Variants in NDP observed in about 807,000 individuals in gnomAD.
NDP encodes norrin cystine knot growth factor NDP, also known as norrin.
In NDP, 2 loss-of-function variants were observed where a neutral mutation model predicts 8.4. That is an observed-to-expected ratio of 0.24 (90% CI 0.10 to 0.75). The LOEUF is 0.75. Among genes scored for constraint, NDP ranks in the 30% least tolerant of loss-of-function variants. The pLI, the probability that NDP is intolerant of heterozygous loss-of-function variation, is 0.73. For synonymous variants in NDP, 55 were observed against 45.6 expected (o/e 1.21, Z -0.83); for missense variants, 81 against 110.1 (o/e 0.74, Z 1.18).
chrX:43,970,295 C>T (rs758382066), intron 1 of NDP, among the ~76,000 whole-genome samples: 11 of 111,862 alleles, frequency 9.8e-5, no homozygotes, highest in Non-Finnish European at 1.9e-4. Flanking sequence ...CCCCTCTGCT[C>T]CCACTGGCTG....
At chrX:43,969,486 A>G (rs943995777) in intron 1 of NDP, 3 of 112,510 alleles carry the variant, frequency 2.7e-5, no homozygotes, top group Admixed American at 1.9e-4. Context: ...GCATTCCCAT[A>G]GCGCTCCCAC....
chrX:43,965,314 G>A (rs1321064841), intron 1 of NDP, among the ~76,000 whole-genome samples: 6 of 110,804 alleles, frequency 5.4e-5, no homozygotes, highest in Admixed American at 4.8e-4. Context: ...AGCTACTTGG[G>A]AGGTTGAGGT....
chrX:43,951,170 T>C (rs757172132), intron 2 of NDP, among the ~76,000 whole-genome samples: 1 of 110,873 alleles, frequency 9.0e-6, no homozygotes, highest in East Asian at 2.8e-4. Flanking sequence ...TCCCAACACT[T>C]TGGAGTCTGA....
chrX:43,966,357 G>A (rs1455625555), intron 1 of NDP, among the ~76,000 whole-genome samples: 1 of 111,476 alleles, frequency 9.0e-6, no homozygotes, highest in Non-Finnish European at 1.9e-5. Flanking sequence ...GGAGGAGGAG[G>A]AAGGATTCAT....
intron 1 of NDP, among the ~76,000 whole-genome samples, chrX:43,968,030 A>C (rs921383835): frequency 8.9e-6 from 1 of 112,032 alleles, no homozygotes; most frequent in Admixed American, 9.4e-5. Flanking sequence ...GTTTATGTCC[A>C]GATTTTGCCA....
intron 1 of NDP, among the ~76,000 whole-genome samples, chrX:43,964,430 T>C (rs2035845485): frequency 9.0e-6 from 1 of 111,393 alleles, no homozygotes; most frequent in South Asian, 3.8e-4. Flanking sequence ...TGTATGTCCT[T>C]GGCTTGAAAA....
intron 1 of NDP, among the ~76,000 whole-genome samples, chrX:43,962,591 A>G (rs2147211159): frequency 8.9e-6 from 1 of 111,851 alleles, no homozygotes; most frequent in African/African-American, 3.2e-5. Flanking sequence ...ATTTTTTAAG[A>G]CGTGTCATAA....
In NDP at chrX:43,958,447, C is replaced by T. The variant is rs769675571; in HGVS notation, c.174+25G>A. 3.3e-6 allele frequency: 4 copies of T among 1,202,513 alleles called. No individual in the cohort carries two copies. In the East Asian group the frequency reaches 8.9e-5, roughly 27 times the overall value. ...CTTGCCTGTTTCTGAGGGAAATGCT[C>T]TCCTCACAGAGACCTTGGTCTTACC... On this transcript the variant is annotated intron_variant, in intron 2 of 2. Transcript: ENST00000642620.
intron 1 of NDP, among the ~76,000 whole-genome samples, chrX:43,959,763 G>T (rs917035632): frequency 9.0e-6 from 1 of 111,598 alleles, no homozygotes; most frequent in Non-Finnish European, 1.9e-5. Context: ...AAGACAGAAA[G>T]TATCAAAAAT....
At position 43,950,010 on chromosome X, in the gene NDP, C is replaced by G; in HGVS notation, c.191G>C (p.Arg64Thr). ...CGCCTGGCTGCAGTGCCCCTCGCACCTGGCCAGGAGCACCATCTGGGGAAA... is the reference window on the plus strand; with the variant it reads ...CGCCTGGCTGCAGTGCCCCTCGCACGTGGCCAGGAGCACCATCTGGGGAAA... ...KCSSKMVLLA[R>T]CEGHCSQASR... The change falls in exon 3 of 3, where the codon AGG becomes ACG. Residue 64 changes from arginine to threonine, a missense_variant. By Grantham distance (71) the Arg-to-Thr change is moderately conservative (BLOSUM62 -1). Coordinates refer to ENST00000642620, the MANE Select transcript of NDP (RefSeq NM_000266.4). The G allele has an allele frequency of 8.3e-7, 1 of 1,203,069 alleles. No individual in the cohort carries two copies. Among genetic ancestry groups the G allele is most frequent in the Non-Finnish European group, 1.1e-6 (1 of 891,018 alleles).
At position 43,955,283 on chromosome X, in the gene NDP, C is replaced by T. The variant is rs774238327; in HGVS notation, c.174+3189G>A. Among the ~76,000 whole-genome samples, 5 of 112,254 alleles carry T rather than the reference C, an allele frequency of 4.5e-5. No homozygotes were observed. The East Asian group carries it at 1.4e-3, about 31-fold the overall frequency. On this transcript the variant is annotated intron_variant, in intron 2 of 2. Coordinates refer to ENST00000642620, the MANE Select transcript of NDP (RefSeq NM_000266.4). ...AACTTTATCATCAAGATCATAATAT[C>T]TTCTATTAAATGGCTATTATGTGCT...
chrX:43,971,151 G>A (rs1002372801), intron 1 of NDP, among the ~76,000 whole-genome samples: 3 of 112,211 alleles, frequency 2.7e-5, no homozygotes, highest in South Asian at 7.5e-4. Flanking sequence ...GATGGCATAT[G>A]GACTGAGAAT....
chrX:43,956,482 A>C (rs1228854117), intron 2 of NDP, among the ~76,000 whole-genome samples: 1 of 111,882 alleles, frequency 8.9e-6, no homozygotes, highest in Non-Finnish European at 1.9e-5. Context: ...AAGGCAAACA[A>C]TTTCATTAAG....
intron 1 of NDP, among the ~76,000 whole-genome samples, chrX:43,964,784 T>C (rs1157480566): frequency 8.9e-6 from 1 of 112,133 alleles, no homozygotes; most frequent in Non-Finnish European, 1.9e-5. Flanking sequence ...AATTTCCTCA[T>C]CTGCAAAATG....
At chrX:43,962,417 T>C (rs1053853578) in intron 1 of NDP, among the ~76,000 whole-genome samples, 1 of 110,693 alleles carries the variant, frequency 9.0e-6, no homozygotes, top group African/African-American at 3.3e-5. Flanking sequence ...TAGGTGAGAA[T>C]GTGCAAAGTA....
chrX:43,958,494 G>A lies in NDP; in HGVS notation c.152C>T (p.Pro51Leu). 8.3e-7 allele frequency: 1 copy of A among 1,211,854 alleles called. No homozygotes were observed. Among genetic ancestry groups the A allele is most frequent in the Non-Finnish European group, 1.1e-6 (1 of 895,310 alleles). The change falls in exon 2 of 3, where the codon CCA becomes CTA. Residue 51 changes from proline (P) to leucine (L), a missense_variant. Coordinates refer to ENST00000642620, the MANE Select transcript of NDP (RefSeq NM_000266.4). ...RHHYVDSISH[P>L]LYKCSSKMVL... is the part of the protein sequence containing the mutation. The stretch of plus-strand genomic sequence containing the variant: ...TACCTTTGAGCTACACTTGTACAAT[G>A]GGTGACTGATAGAATCCACATAGTG...
intron 2 of NDP, among the ~76,000 whole-genome samples, chrX:43,956,808 G>A (rs1602066399): frequency 8.9e-6 from 1 of 112,101 alleles, no homozygotes; most frequent in Non-Finnish European, 1.9e-5. Flanking sequence ...CTTTCTGGAA[G>A]AAACAAAGGT....
chrX:43,958,421 T>G (rs940171287), intron 2 of NDP, 51 bp downstream of exon 2: 2 of 1,169,031 alleles, frequency 1.7e-6, no homozygotes, highest in Admixed American at 4.4e-5. Flanking sequence ...AAATATGGCT[T>G]CTTGCCTGTT....
intron 1 of NDP, among the ~76,000 whole-genome samples, chrX:43,959,556 T>C (rs2035814657): frequency 8.9e-6 from 1 of 112,139 alleles, no homozygotes; most frequent in African/African-American, 3.2e-5. Flanking sequence ...ATGGTGTAAT[T>C]CGAAAAAGAA....
Sources: gnomAD v4.1 joint callset for allele counts (sites outside exome capture counted in the v4.1 genomes callset) on GRCh38, gnomAD v4.1.1 for gene constraint, MANE v1.5 for transcripts, NCBI Gene and HGNC (gene_info 2026-07-23, HGNC 2026-07-21) for gene names.